Variants in TAOK1 observed in about 807,000 individuals in gnomAD.
TAOK1 encodes the protein TAO kinase 1, also known as serine/threonine-protein kinase TAO1.
TAOK1 carries 21 observed loss-of-function variants against 138.3 expected under a neutral mutation model. The observed-to-expected ratio is 0.15, with a 90% CI of 0.11 to 0.22. The LOEUF (loss-of-function observed/expected upper bound fraction) is 0.22. Ranked by LOEUF, TAOK1 falls within the 10% of genes least tolerant of loss-of-function variation. TAOK1 has a pLI of 1.00. For synonymous variants in TAOK1, 361 were observed against 398.4 expected, an observed-to-expected ratio of 0.91 and a Z score of 1.12; for missense variants, 651 against 1,227.7, an observed-to-expected ratio of 0.53 and a Z score of 7.02.
rs1216371880 is a variant in TAOK1, at chr17:29,507,892, C to T, written c.1339-4C>T. 1.2e-6 allele frequency: 2 copies of T among 1,611,320 alleles called. No homozygotes were observed. Among genetic ancestry groups the T allele is most frequent in the East Asian group, 4.5e-5 (2 of 44,842 alleles). ...TCTTTTCCTTACATTATTTGTATGT[C>T]TAGGTTACGAGGCAAATGCAAGAAC... On this transcript the variant is annotated splice_region_variant and splice_polypyrimidine_tract_variant and intron_variant, in intron 13 of 19. Coordinates refer to ENST00000261716, the MANE Select transcript of TAOK1 (RefSeq NM_020791.4).
At chr17:29,519,407 T>C (rs949243830) in intron 16 of TAOK1, among the ~76,000 whole-genome samples, 3 of 151,796 alleles carry the variant, frequency 2.0e-5, no homozygotes, top group Admixed American at 2.0e-4. Context: ...TAATTCCAGC[T>C]ACTCAGGAGG....
At chr17:29,472,276 G>A (rs1348764085) in intron 3 of TAOK1, among the ~76,000 whole-genome samples, 2 of 134,850 alleles carry the variant, frequency 1.5e-5, no homozygotes, top group Non-Finnish European at 1.5e-5. Context: ...TTTTTGAGAT[G>A]GAGTTCATTC....
intron 1 of TAOK1, among the ~76,000 whole-genome samples, chr17:29,407,352 T>A (rs1422312716): frequency 6.6e-6 from 1 of 152,166 alleles, no homozygotes; most frequent in Non-Finnish European, 1.5e-5. Flanking sequence ...AGTAGGTGTC[T>A]CTCAACACAA....
intron 2 of TAOK1, 124 bp from the exon 3 acceptor site, chr17:29,467,021 A>G: frequency 1.9e-6 from 1 of 537,718 alleles, no homozygotes; most frequent in Non-Finnish European, 3.1e-6. Context: ...AATTTTCTTT[A>G]AAAGTGGTTT....
In TAOK1 at chr17:29,543,952, G is replaced by C. The variant is rs938198230; in HGVS notation, c.*930G>C. On this transcript the variant is annotated 3_prime_UTR_variant, in exon 20 of 20. Transcript: ENST00000261716. ...TGAGGAGATGAAGCTTACGTGTCCT[G>C]ACGTTTTGTTGCTTATACTGTGATA... The C allele has an allele frequency of 5.7e-4, 87 of 152,314 alleles. No homozygotes were observed. The highest frequency in any genetic ancestry group is 2.0e-3 in the African/African-American group (84 of 41,538). The allele number at this position is 152,314 out of a possible 1,614,324, so 9.4% of individuals were successfully genotyped here. A position where few individuals can be genotyped will look rare whatever the true frequency, so the allele number is the denominator to read the frequency against.
Position 29,543,019 on chromosome 17 carries a change from A to G in TAOK1, c.3003A>G (p.Thr1001=), listed in dbSNP as rs1299367182. ...CCAATGGGTCACACATGTCTTATAC[A>G]TAACTTAATAATTGAGAGTGGCAAT... ...QISNGSHMSY[T] The change falls in exon 20 of 20, where the codon ACA becomes ACG. Residue 1001 remains threonine, a synonymous_variant. Coordinates refer to ENST00000261716, the MANE Select transcript of TAOK1 (RefSeq NM_020791.4). 2 of 1,566,742 alleles carry G rather than the reference A, an allele frequency of 1.3e-6. No homozygotes were observed. Among genetic ancestry groups the G allele is most frequent in the Non-Finnish European group, 1.7e-6 (2 of 1,151,594 alleles).
At chr17:29,464,702 A>C (rs2030615139) in intron 2 of TAOK1, among the ~76,000 whole-genome samples, 1 of 152,146 alleles carries the variant, frequency 6.6e-6, no homozygotes, top group Non-Finnish European at 1.5e-5. Flanking sequence ...GGCTAGATCT[A>C]CTTCACCCTT....
intron 18 of TAOK1, among the ~76,000 whole-genome samples, chr17:29,532,632 A>G (rs10451295): frequency 0.075 from 11,351 of 152,118 alleles, 1,420 homozygotes; most frequent in African/African-American, 0.26. Context: ...AGTGGACACA[A>G]CACATGTTTC....
intron 1 of TAOK1, among the ~76,000 whole-genome samples, chr17:29,406,056 C>A (rs576774682): frequency 4.3e-4 from 65 of 152,130 alleles, no homozygotes; most frequent in African/African-American, 1.5e-3. Flanking sequence ...TAAATACATA[C>A]AATAGTGTAG....
rs2032335767 is a variant in TAOK1 at position 29,542,641 on chromosome 17, T to A, written c.2625T>A (p.Ile875=). ...RSLLERQARE[I]EAFDSESMRL... The stretch of plus-strand genomic sequence containing the variant: ...TGTTGGAACGTCAAGCCAGAGAGAT[T>A]GAAGCTTTTGACTCTGAAAGCATGA... The change falls in exon 20 of 20, where the codon ATT becomes ATA. Residue 875 remains isoleucine (I), a synonymous_variant. Coordinates refer to ENST00000261716, the MANE Select transcript of TAOK1 (RefSeq NM_020791.4). The A allele has an allele frequency of 6.2e-7, 1 of 1,614,126 alleles. No homozygotes were observed. The highest frequency in any genetic ancestry group is 8.5e-7 in the Non-Finnish European group (1 of 1,180,054).
At chr17:29,494,393 T>C (rs569573471) in intron 10 of TAOK1, among the ~76,000 whole-genome samples, 1 of 152,084 alleles carries the variant, frequency 6.6e-6, no homozygotes, top group Admixed American at 6.5e-5. Context: ...CCTGTAGTCC[T>C]AGCTGCTTGA....
rs2032084446 is a variant in TAOK1, at chr17:29,530,613, A to G, written c.2355A>G (p.Thr785=). 6.2e-7 allele frequency: 1 copy of G among 1,614,016 alleles called. No homozygotes were observed. Among genetic ancestry groups the G allele is most frequent in the African/African-American group, 1.3e-5 (1 of 75,028 alleles). The change falls in exon 18 of 20, where the codon ACA becomes ACG. Residue 785 remains threonine (T), a synonymous_variant. Coordinates refer to ENST00000261716, the MANE Select transcript of TAOK1 (RefSeq NM_020791.4). ...YDHSINEMLS[T]QALRLDEAQE... ...ACAGCATTAATGAAATGCTCTCCAC[A>G]CAAGCCGTGAGTTTGCTTTTTTTGG...
chr17:29,418,003 T>G (rs1351869192), intron 1 of TAOK1, among the ~76,000 whole-genome samples: 1 of 152,122 alleles, frequency 6.6e-6, no homozygotes, highest in African/African-American at 2.4e-5. Context: ...TCCTTCTACT[T>G]CAGCATCCCA....
rs567589919 is a variant in TAOK1, at chr17:29,500,879, A to C, written c.1204-1710A>C. Reference sequence around the variant, plus strand: ...GATAAAAGCCTAGACACAAAAGGACAAATATTGTATAATTAAACTTCTATA... The same window carrying C: ...GATAAAAGCCTAGACACAAAAGGACCAATATTGTATAATTAAACTTCTATA... On this transcript the variant is annotated intron_variant, in intron 12 of 19. Transcript: ENST00000261716. Among the ~76,000 whole-genome samples, 31 of 152,308 alleles carry C rather than the reference A, an allele frequency of 2.0e-4. No homozygotes were observed. The South Asian group carries it at 6.2e-3, about 31-fold the overall frequency.
At chr17:29,391,571 A>T (rs1328805198) in intron 1 of TAOK1, among the ~76,000 whole-genome samples, 1 of 151,982 alleles carries the variant, frequency 6.6e-6, no homozygotes, top group East Asian at 1.9e-4. Flanking sequence ...TCATACACAG[A>T]CCCATGTATA....
chr17:29,392,071 C>A (rs1009041526), intron 1 of TAOK1, among the ~76,000 whole-genome samples: 3 of 152,132 alleles, frequency 2.0e-5, no homozygotes, highest in Non-Finnish European at 2.9e-5. Context: ...AAAAAATTAG[C>A]TGGGCATGGT....
chr17:29,434,607 T>G (rs898510996), intron 1 of TAOK1, among the ~76,000 whole-genome samples: 3 of 151,962 alleles, frequency 2.0e-5, no homozygotes, highest in African/African-American at 7.2e-5. Context: ...GTCGAGACAA[T>G]AGGAATTATT....
chr17:29,451,213 A>C (rs1369716633), intron 1 of TAOK1, among the ~76,000 whole-genome samples: 1 of 152,182 alleles, frequency 6.6e-6, no homozygotes, highest in East Asian at 1.9e-4. Flanking sequence ...GACTTAGAAA[A>C]CCTCCCAAGA....
At chr17:29,454,837 G>T (rs1362587396) in intron 2 of TAOK1, among the ~76,000 whole-genome samples, 2 of 152,044 alleles carry the variant, frequency 1.3e-5, no homozygotes, top group East Asian at 3.9e-4. Context: ...AAGTAGCTGG[G>T]ACTACAGGAG....
Sources: gnomAD v4.1 joint callset for allele counts (sites outside exome capture counted in the v4.1 genomes callset) on GRCh38, gnomAD v4.1.1 for gene constraint, MANE v1.5 for transcripts, NCBI Gene and HGNC (gene_info 2026-07-23, HGNC 2026-07-21) for gene names.